Variants in FLI1 observed in about 807,000 individuals in gnomAD.
The protein encoded by FLI1 is Fli-1 proto-oncogene, ETS transcription factor.
A neutral mutation model predicts 53.1 loss-of-function variants in FLI1; 13 were observed. The observed-to-expected ratio is 0.24, with a 90% CI of 0.16 to 0.39. The LOEUF is 0.39. Among genes scored for constraint, FLI1 ranks in the 10% least tolerant of loss-of-function variants. The pLI, the probability that FLI1 is intolerant of heterozygous loss-of-function variation, is 1.00. For missense variants in FLI1, 424 were observed against 600.5 expected (o/e 0.71, Z 3.07); for synonymous variants, 244 against 236.7 (o/e 1.03, Z -0.28).
In FLI1 at chr11:128,810,517, C is replaced by T. The variant is rs373070689; in HGVS notation, c.888C>T (p.Asn296=). 61 of 1,609,300 alleles carry T rather than the reference C, an allele frequency of 3.8e-5. No individual in the cohort carries two copies. Among genetic ancestry groups the T allele is most frequent in the East Asian group, 6.7e-5 (3 of 44,674 alleles). ...FLLELLSDSA[N]ASCITWEGTN... is the part of the protein sequence containing the mutation. ...TGGAGCTGCTCTCCGACAGCGCCAA[C>T]GCCAGCTGTATCACCTGGGAGGGGA... Residue 296 remains asparagine (N), a synonymous_variant, in exon 9 of 9, where the codon AAC becomes AAT. Transcript: ENST00000527786. This position sits in a 1 kb window ranked among gnomAD's most constrained non-coding sequence, Gnocchi z 6.6.
At chr11:128,745,692 G>A (rs895176807) in intron 1 of FLI1, among the ~76,000 whole-genome samples, 1 of 152,250 alleles carries the variant, frequency 6.6e-6, no homozygotes, top group African/African-American at 2.4e-5. Context: ...TGTGCGTCGA[G>A]TTGAAGCGGC....
intron 5 of FLI1, among the ~76,000 whole-genome samples, chr11:128,795,775 C>T (rs961047818): frequency 6.6e-6 from 1 of 152,140 alleles, no homozygotes; most frequent in African/African-American, 2.4e-5. Context: ...TGGTCTTGAT[C>T]TCCTCACCTC....
At chr11:128,798,785 G>C (rs1420806112) in intron 5 of FLI1, among the ~76,000 whole-genome samples, 1 of 152,172 alleles carries the variant, frequency 6.6e-6, no homozygotes, top group East Asian at 1.9e-4. Context: ...AGCCCCTCTA[G>C]AATGGTGGGA....
At chr11:128,734,749 T>G (rs1375953606) in intron 1 of FLI1, among the ~76,000 whole-genome samples, 1 of 152,168 alleles carries the variant, frequency 6.6e-6, no homozygotes, top group African/African-American at 2.4e-5. Flanking sequence ...TCATGTCCAG[T>G]GCATGCCATC....
chr11:128,793,402 G>A (rs1036354450), intron 5 of FLI1, among the ~76,000 whole-genome samples: 4 of 152,082 alleles, frequency 2.6e-5, no homozygotes, highest in Admixed American at 1.3e-4. Flanking sequence ...GTAGATGAAG[G>A]AATGAGGAGA....
chr11:128,716,978 C>A (rs1201437173), intron 1 of FLI1, among the ~76,000 whole-genome samples: 1 of 152,172 alleles, frequency 6.6e-6, no homozygotes, highest in East Asian at 1.9e-4. Flanking sequence ...GGTAGGACAG[C>A]TTCAGAAAGC....
intron 2 of FLI1, among the ~76,000 whole-genome samples, chr11:128,763,825 A>C (rs924968900): frequency 1.3e-5 from 2 of 152,252 alleles, no homozygotes; most frequent in Admixed American, 1.3e-4. Context: ...CTAGTGGATT[A>C]GGGCGGTGGC....
intron 1 of FLI1, among the ~76,000 whole-genome samples, chr11:128,739,568 A>G (rs910512352): frequency 6.6e-6 from 1 of 152,036 alleles, no homozygotes; most frequent in Non-Finnish European, 1.5e-5. Context: ...ATTCCCAAGG[A>G]TTGTTGGCTG....
chr11:128,692,169 CT>C (rs915256500), upstream of FLI1: 3 of 152,200 alleles, frequency 2.0e-5, no homozygotes, highest in Non-Finnish European at 2.9e-5. Flanking sequence ...TTCATTCTTC[CT>C]TTCCCGTTAA....
rs1937906565 is a variant in FLI1 at position 128,694,135 on chromosome 11, G to T, written c.-124G>T. On this transcript the variant is annotated 5_prime_UTR_variant, in exon 1 of 9. Transcript: ENST00000527786. The stretch of plus-strand genomic sequence containing the variant: ...AGTGAGGGCAGGGCGCTCGCAGGGG[G>T]CACGCAGGGAGGGCCCAGGGCGCCA... 9.8e-7 allele frequency: 1 copy of T among 1,022,242 alleles called. No homozygotes were observed. Among genetic ancestry groups the T allele is most frequent in the Non-Finnish European group, 1.4e-6 (1 of 729,624 alleles). 63.3% of individuals were successfully genotyped at this position (1,022,242 alleles called of 1,614,324 possible). A position where few individuals can be genotyped will look rare whatever the true frequency, so the allele number is the denominator to read the frequency against.
chr11:128,796,318 T>C (rs911476157), intron 5 of FLI1, among the ~76,000 whole-genome samples: 42 of 152,252 alleles, frequency 2.8e-4, no homozygotes, highest in African/African-American at 9.9e-4. Context: ...TTCGGCCTTT[T>C]GGGCCTGTCT....
upstream of FLI1, among the ~76,000 whole-genome samples, chr11:128,689,567 C>G (rs186957594): frequency 3.3e-5 from 5 of 152,278 alleles, no homozygotes; most frequent in East Asian, 9.7e-4. Flanking sequence ...GTGGTCTTGC[C>G]GGCGGGTCTC....
intron 5 of FLI1, among the ~76,000 whole-genome samples, chr11:128,803,714 A>C (rs1203497185): frequency 6.6e-6 from 1 of 152,174 alleles, no homozygotes; most frequent in African/African-American, 2.4e-5. Flanking sequence ...TTGGTCCCAA[A>C]TCTATTACCA....
chr11:128,724,878 T>G (rs1449545369), intron 1 of FLI1, among the ~76,000 whole-genome samples: 1 of 152,148 alleles, frequency 6.6e-6, no homozygotes, highest in African/African-American at 2.4e-5. Context: ...ACTACGATTC[T>G]CTCTCCTCCC....
chr11:128,722,143 T>G (rs1363650757), intron 1 of FLI1, among the ~76,000 whole-genome samples: 1 of 152,178 alleles, frequency 6.6e-6, no homozygotes, highest in Non-Finnish European at 1.5e-5. Context: ...AGGAGGTTCA[T>G]GTAAAAATGT....
chr11:128,694,325 C>T, intron 1 of FLI1, 49 bp downstream of exon 1: 4 of 1,294,140 alleles, frequency 3.1e-6, no homozygotes, highest in Non-Finnish European at 4.0e-6. Context: ...GCCGGGGAGG[C>T]GAAGCGGCGG....
In FLI1 at chr11:128,811,832, G is replaced by A. The variant is rs1426518008; in HGVS notation, c.*844G>A. 5.0e-6 allele frequency: 1 copy of A among 199,266 alleles called. No individual in the cohort carries two copies. Among genetic ancestry groups the A allele is most frequent in the Non-Finnish European group, 1.0e-5 (1 of 96,478 alleles). 12.3% of individuals were successfully genotyped at this position (199,266 alleles called of 1,614,324 possible). The stretch of plus-strand genomic sequence containing the variant: ...CCAACCAATCAGAAGGCAACTTACT[G>A]TATAAATTATGCAGAGTTATTTTCC... On this transcript the variant is annotated 3_prime_UTR_variant, in exon 9 of 9. Transcript: ENST00000527786.
intron 3 of FLI1, among the ~76,000 whole-genome samples, chr11:128,770,866 C>G (rs1441981494): frequency 6.6e-6 from 1 of 152,148 alleles, no homozygotes; most frequent in Non-Finnish European, 1.5e-5. Context: ...AGAAATGTAT[C>G]TGAGAGAGAG....
At chr11:128,792,611 A>C (rs1299067585) in intron 5 of FLI1, among the ~76,000 whole-genome samples, 2 of 152,220 alleles carry the variant, frequency 1.3e-5, no homozygotes, top group Non-Finnish European at 2.9e-5. Flanking sequence ...CGGGCTTCAG[A>C]CATCTTCTAG....
Sources: allele counts gnomAD v4.1 joint callset (sites outside exome capture counted in the v4.1 genomes callset), GRCh38; gene constraint gnomAD v4.1.1; non-coding constraint Gnocchi (gnomAD v3.1); transcripts MANE v1.5; gene names NCBI Gene and HGNC (gene_info 2026-07-23, HGNC 2026-07-21).